Variants in PEX14 observed in about 807,000 individuals in gnomAD.
PEX14 encodes the protein peroxisomal membrane protein PEX14.
Under a neutral mutation model 49.5 loss-of-function variants are expected in PEX14, and 15 were observed. The ratio of observed to expected loss-of-function variants is 0.30; its 90% CI spans 0.20 to 0.47. PEX14 has a LOEUF of 0.47. Among genes scored for constraint, PEX14 ranks in the 20% least tolerant of loss-of-function variants. The pLI, the probability that PEX14 is intolerant of heterozygous loss-of-function variation, is 1.00. For missense variants in PEX14, 398 were observed against 494.8 expected, an observed-to-expected ratio of 0.80 and a Z score of 1.86; for synonymous variants, 210 against 212.7, an observed-to-expected ratio of 0.99 and a Z score of 0.11.
At chr1:10,522,403 A>C (rs1638329136) in intron 2 of PEX14, among the ~76,000 whole-genome samples, 1 of 152,250 alleles carries the variant, frequency 6.6e-6, no homozygotes, top group Non-Finnish European at 1.5e-5. Flanking sequence ...GCACTCCTGA[A>C]AATGAGCTGA....
chr1:10,563,360 G>A (rs1442412030), intron 3 of PEX14, among the ~76,000 whole-genome samples: 1 of 151,576 alleles, frequency 6.6e-6, no homozygotes, highest in Middle Eastern at 3.2e-3. Context: ...AGCACTTTGG[G>A]AGGCCGAGGC....
chr1:10,497,641 T>G (rs1219518007), intron 2 of PEX14, among the ~76,000 whole-genome samples: 1 of 152,194 alleles, frequency 6.6e-6, no homozygotes, highest in East Asian at 1.9e-4. Context: ...GCTGCCTGGT[T>G]GGGCGTAGAA....
At chr1:10,577,756 A>G (rs1344590055) in intron 3 of PEX14, among the ~76,000 whole-genome samples, 2 of 144,198 alleles carry the variant, frequency 1.4e-5, no homozygotes, top group East Asian at 4.7e-4. Context: ...ACCTGCCACC[A>G]TGCCCGGCTA....
rs3790630 is a variant in PEX14 at position 10,613,037 on chromosome 1, C to T, written c.299-5295C>T. On this transcript the variant is annotated intron_variant, in intron 4 of 8. Transcript: ENST00000356607. This position sits in a 1 kb window ranked among gnomAD's most constrained non-coding sequence, Gnocchi z 5.0. ...CACATCACTGGAGTGCCTGTTGTCT[C>T]GGCAGGATGGTTCCGTGACAGCTCT... Among the ~76,000 whole-genome samples, 101,079 of 152,132 alleles carry T rather than the reference C, an allele frequency of 0.66. 35,224 individuals are homozygous for T. The highest frequency in any genetic ancestry group is 0.78 in the Non-Finnish European group (53,052 of 67,992).
At chr1:10,516,560 A>C (rs1167621208) in intron 2 of PEX14, among the ~76,000 whole-genome samples, 3 of 152,224 alleles carry the variant, frequency 2.0e-5, no homozygotes, top group African/African-American at 7.2e-5. Flanking sequence ...ATTTGACCCA[A>C]GCCTCGTCTG....
chr1:10,599,689 T>C (rs1640929429), intron 4 of PEX14, among the ~76,000 whole-genome samples: 1 of 152,266 alleles, frequency 6.6e-6, no homozygotes, highest in Non-Finnish European at 1.5e-5. Flanking sequence ...TTTTGAATGT[T>C]ACTGTTTCAC....
At chr1:10,527,366 A>C (rs541596609) in intron 2 of PEX14, among the ~76,000 whole-genome samples, 1 of 150,974 alleles carries the variant, frequency 6.6e-6, no homozygotes, top group Non-Finnish European at 1.5e-5. Context: ...AAAATACAAA[A>C]ATTAGCTGGG....
At chr1:10,504,399 A>ATAGCC (rs2124422427) in intron 2 of PEX14, among the ~76,000 whole-genome samples, 1 of 152,358 alleles carries the variant, frequency 6.6e-6, no homozygotes, top group African/African-American at 2.4e-5. Flanking sequence ...GAACTAACTC[A>ATAGCC]TAGCCCCCAG....
chr1:10,565,412 C>G (rs1034494874), intron 3 of PEX14, among the ~76,000 whole-genome samples: 2 of 121,384 alleles, frequency 1.6e-5, no homozygotes, highest in Non-Finnish European at 3.8e-5. Context: ...GGGTATAGCC[C>G]TCTATGGGTC....
At chr1:10,592,406 G>A (rs1640694925) in intron 3 of PEX14, among the ~76,000 whole-genome samples, 1 of 151,494 alleles carries the variant, frequency 6.6e-6, no homozygotes, top group Non-Finnish European at 1.5e-5. Flanking sequence ...TAGCAGAGAG[G>A]GATTAAAAGA....
At position 10,536,473 on chromosome 1, in the gene PEX14, A is replaced by G. The variant is rs2480778; in HGVS notation, c.169+176A>G. 627,544 of 639,006 alleles carry G rather than the reference A, an allele frequency of 0.98. 308,926 individuals are homozygous for G. Among genetic ancestry groups the G allele is most frequent in the East Asian group, 1 (35,977 of 35,998 alleles). 39.6% of individuals were successfully genotyped at this position (639,006 alleles called of 1,614,324 possible). A position where few individuals can be genotyped will look rare whatever the true frequency, so the allele number is the denominator to read the frequency against. On this transcript the variant is annotated intron_variant, in intron 3 of 8. Transcript: ENST00000356607. ...GGGGCATGCAGGTTTCTTTCCTGAC[A>G]ATGGAGCGGCAAGATGACACGATTC... is the stretch of plus-strand genomic sequence containing the variant.
chr1:10,629,618 C>A lies in PEX14; in HGVS notation c.765C>A (p.Ala255=), dbSNP rs755259929. The A allele has an allele frequency of 2.5e-6, 4 of 1,613,508 alleles. No individual in the cohort carries two copies. The highest frequency in any genetic ancestry group is 3.3e-5 in the Admixed American group (2 of 59,978). ...VKSPSPSSPA[A]VNHHSSSDIS... is the part of the protein sequence containing the mutation. ...CACCGTCACCCTCCAGCCCTGCGGC[C>A]GTGAACCACCACAGCAGCAGCGACA... The change falls in exon 9 of 9, where the codon GCC becomes GCA. Residue 255 remains alanine, a synonymous_variant. Transcript: ENST00000356607. This position sits in a 1 kb window ranked among gnomAD's most constrained non-coding sequence, Gnocchi z 8.5.
chr1:10,496,833 G>T (rs1484210311), intron 2 of PEX14, among the ~76,000 whole-genome samples: 1 of 151,576 alleles, frequency 6.6e-6, no homozygotes, highest in Non-Finnish European at 1.5e-5. Flanking sequence ...GCCTGTGATC[G>T]TCCAGAGTTC....
intron 3 of PEX14, among the ~76,000 whole-genome samples, chr1:10,594,443 C>T (rs1342156036): frequency 1.3e-5 from 2 of 152,214 alleles, no homozygotes; most frequent in East Asian, 3.9e-4. Context: ...CCTTGACTGC[C>T]ACCGTTTGTC....
intron 2 of PEX14, among the ~76,000 whole-genome samples, chr1:10,507,670 CA>C (rs1243726004): frequency 6.6e-6 from 1 of 152,198 alleles, no homozygotes; most frequent in African/African-American, 2.4e-5. Flanking sequence ...GAAGGTTGGA[CA>C]ATTGAGCAAT....
rs748930085 is a variant in PEX14, at chr1:10,629,829, G to A, written c.976G>A (p.Glu326Lys). 1 of 1,597,738 alleles carries A rather than the reference G, an allele frequency of 6.3e-7. No individual in the cohort carries two copies. Residue 326 changes from glutamate to lysine, a missense_variant, in exon 9 of 9, where the codon GAG becomes AAG. Around this residue, in one of 3 missense-constraint regions of PEX14, gnomAD observed 140 missense variants for 155.5 expected, o/e 0.90. Transcript: ENST00000356607. This position sits in a 1 kb window ranked among gnomAD's most constrained non-coding sequence, Gnocchi z 8.5. ...EEEKREDKED[E>K]EDEEDDDVSH... ...GGAGAAGAGGGAGGACAAGGAGGAC[G>A]AGGAGGATGAGGAGGATGATGATGT...
At chr1:10,577,396 CA>C (rs1183146936) in intron 3 of PEX14, among the ~76,000 whole-genome samples, 102 of 9,642 alleles carry the variant, frequency 0.011, 3 homozygotes, top group African/African-American at 0.029. Flanking sequence ...TACTCTGTCT[CA>C]AAAAAAAAAA....
chr1:10,479,735 G>A (rs916934195), intron 1 of PEX14, among the ~76,000 whole-genome samples: 2 of 152,170 alleles, frequency 1.3e-5, no homozygotes, highest in South Asian at 2.1e-4. Flanking sequence ...GCATGGCTTC[G>A]CATCCTGGCA....
chr1:10,589,174 G>A (rs1268128638), intron 3 of PEX14, among the ~76,000 whole-genome samples: 1 of 152,214 alleles, frequency 6.6e-6, no homozygotes, highest in Non-Finnish European at 1.5e-5. Context: ...CCGTCACACT[G>A]AAACAGATCT....
Sources: allele counts gnomAD v4.1 joint callset (sites outside exome capture counted in the v4.1 genomes callset), GRCh38; gene constraint gnomAD v4.1.1; regional missense constraint gnomAD v4.1.1; non-coding constraint Gnocchi (gnomAD v3.1); transcripts MANE v1.5; gene names NCBI Gene and HGNC (gene_info 2026-07-23, HGNC 2026-07-21).